The following RGS7 variants were observed in gnomAD, a reference collection of about 807,000 sequenced individuals.
The protein encoded by RGS7 is regulator of G protein signaling 7.
A neutral mutation model predicts 81.1 loss-of-function variants in RGS7; 27 were observed. The observed-to-expected ratio is 0.33, with a 90% CI of 0.25 to 0.46. The LOEUF is 0.46. Among genes scored for constraint, RGS7 ranks in the 20% least tolerant of loss-of-function variants. The pLI is 1.00. For synonymous variants in RGS7, 208 were observed against 207.7 expected (o/e 1.00, Z -0.01); for missense variants, 396 against 607.4 (o/e 0.65, Z 3.66).
chr1:241,046,598 C>T (rs986941181), intron 3 of RGS7, among the ~76,000 whole-genome samples: 1 of 152,170 alleles, frequency 6.6e-6, no homozygotes, highest in East Asian at 1.9e-4. Context: ...CCGACACCTC[C>T]ATTCTTGGTC....
chr1:241,003,119 A>G (rs572747698), intron 3 of RGS7, among the ~76,000 whole-genome samples: 37 of 152,314 alleles, frequency 2.4e-4, no homozygotes, highest in Admixed American at 8.5e-4. Context: ...ATACTCACAC[A>G]CATACACAAA....
intron 2 of RGS7, among the ~76,000 whole-genome samples, chr1:241,216,422 C>T (rs776325203): frequency 5.6e-4 from 85 of 152,240 alleles, no homozygotes; most frequent in Admixed American, 9.8e-4. Context: ...GTGTTCATGG[C>T]GTGACTGTAA....
intron 2 of RGS7, among the ~76,000 whole-genome samples, chr1:241,218,080 T>C (rs2147967603): frequency 6.6e-6 from 1 of 152,322 alleles, no homozygotes; most frequent in East Asian, 1.9e-4. Context: ...TGTGTGTGTG[T>C]ATAATTGCAT....
chr1:241,043,595 ATAT>A (rs1197169380), intron 3 of RGS7, among the ~76,000 whole-genome samples: 1 of 146,824 alleles, frequency 6.8e-6, no homozygotes, highest in Non-Finnish European at 1.5e-5. Context: ...TATATTTTAT[ATAT>A]TATAATATTA....
chr1:241,017,530 C>T (rs73123756), intron 3 of RGS7, among the ~76,000 whole-genome samples: 7,427 of 150,900 alleles, frequency 0.049, 231 homozygotes, highest in African/African-American at 0.087. Flanking sequence ...TGTGTATATA[C>T]GAGTTTAGTC....
chr1:241,020,778 T>C (rs2059496855), intron 3 of RGS7, among the ~76,000 whole-genome samples: 1 of 152,206 alleles, frequency 6.6e-6, no homozygotes, highest in South Asian at 2.1e-4. Context: ...AGTGTTTTAA[T>C]TTCTTTGTCC....
intron 4 of RGS7, among the ~76,000 whole-genome samples, chr1:240,951,626 GAAC>G (rs1679577337): frequency 6.6e-6 from 1 of 151,856 alleles, no homozygotes; most frequent in Non-Finnish European, 1.5e-5. Context: ...AAAACAAAAA[GAAC>G]AACAATAACA....
chr1:240,932,976 C>T (rs559725298), intron 5 of RGS7, among the ~76,000 whole-genome samples: 25 of 146,108 alleles, frequency 1.7e-4, no homozygotes, highest in South Asian at 1.3e-3. Flanking sequence ...CTCCGCCTCC[C>T]GGGTTCACGC....
At chr1:240,909,974 C>T (rs1378868617) in intron 6 of RGS7, among the ~76,000 whole-genome samples, 2 of 152,136 alleles carry the variant, frequency 1.3e-5, no homozygotes, top group East Asian at 3.9e-4. Context: ...ATTGGTAGCC[C>T]TGCTTTATTA....
At chr1:241,178,308 TAAAAAAG>T in intron 2 of RGS7, among the ~76,000 whole-genome samples, 1 of 151,534 alleles carries the variant, frequency 6.6e-6, no homozygotes, top group South Asian at 2.1e-4. Context: ...AATGAAAAAG[TAAAAAAG>T]AAAAAAGAAA....
At chr1:241,202,713 A>C (rs1222303536) in intron 2 of RGS7, among the ~76,000 whole-genome samples, 1 of 152,184 alleles carries the variant, frequency 6.6e-6, no homozygotes, top group Non-Finnish European at 1.5e-5. Context: ...CTACAGTCAA[A>C]CAAGTCAGAT....
chr1:241,220,046 T>C (rs763942838), intron 2 of RGS7, among the ~76,000 whole-genome samples: 10 of 152,228 alleles, frequency 6.6e-5, no homozygotes, highest in Non-Finnish European at 1.3e-4. Flanking sequence ...AATTTGTAAA[T>C]AGGAAGTAAA....
chr1:241,243,897 T>C (rs553172475), intron 2 of RGS7, among the ~76,000 whole-genome samples: 6 of 152,064 alleles, frequency 3.9e-5, no homozygotes, highest in South Asian at 2.1e-4. Flanking sequence ...TCAAAGAACA[T>C]TTTTTTTCAG....
chr1:240,858,017 AC>A (rs1661470488), intron 9 of RGS7, among the ~76,000 whole-genome samples: 2 of 152,164 alleles, frequency 1.3e-5, no homozygotes, highest in African/African-American at 4.8e-5. Flanking sequence ...GACCTCCCCA[AC>A]CATGCTGAAC....
chr1:240,894,331 A>G (rs1668704890), intron 6 of RGS7, among the ~76,000 whole-genome samples: 2 of 152,172 alleles, frequency 1.3e-5, no homozygotes, highest in Admixed American at 1.3e-4. Flanking sequence ...TTGAGGATTT[A>G]TGTCCTTGTT....
At chr1:241,179,458 C>A (rs1277595958) in intron 2 of RGS7, among the ~76,000 whole-genome samples, 6 of 152,136 alleles carry the variant, frequency 3.9e-5, no homozygotes, top group South Asian at 4.1e-4. Context: ...GAGATTAGCC[C>A]TCCCATTGGA....
chr1:240,887,570 G>C (rs1411598508), intron 6 of RGS7, among the ~76,000 whole-genome samples: 1 of 152,158 alleles, frequency 6.6e-6, no homozygotes. Flanking sequence ...GTTGGACCTA[G>C]AGTTATCTTA....
chr1:240,889,169 C>CAAA (rs1445881121), intron 6 of RGS7, among the ~76,000 whole-genome samples: 11 of 152,216 alleles, frequency 7.2e-5, no homozygotes, highest in Non-Finnish European at 1.5e-4. Flanking sequence ...GTCGGCCAGG[C>CAAA]TGGTCTTGAA....
chr1:240,823,356 G>A (rs1049456689), intron 10 of RGS7: 1 of 499,014 alleles, frequency 2.0e-6, no homozygotes, highest in Non-Finnish European at 3.8e-6. Flanking sequence ...AATTAGCTGC[G>A]GAGATGCCCA....
Sources: allele counts gnomAD v4.1 joint callset (sites outside exome capture counted in the v4.1 genomes callset), GRCh38; gene constraint gnomAD v4.1.1; transcripts MANE v1.5; gene names NCBI Gene and HGNC (gene_info 2026-07-23, HGNC 2026-07-21).